SGK3: variants seen among roughly 807,000 people sequenced by gnomAD.
SGK3 encodes the protein serine/threonine-protein kinase Sgk3.
Under a neutral mutation model 68.5 loss-of-function variants are expected in SGK3, and 47 were observed. The observed-to-expected ratio is 0.69, with a 90% CI of 0.54 to 0.87. The LOEUF is 0.87. SGK3 is among the 40% of genes least tolerant of loss of function. The probability of loss-of-function intolerance (pLI) is 0.00; values close to 1 mark genes in which losing one functional copy is unlikely to be tolerated. For synonymous variants in SGK3, 181 were observed against 189.1 expected (o/e 0.96, Z 0.35); for missense variants, 479 against 575.5 (o/e 0.83, Z 1.72).
chr8:66,743,662 C>T (rs1805545255), intron 1 of SGK3, among the ~76,000 whole-genome samples: 1 of 152,268 alleles, frequency 6.6e-6, no homozygotes, highest in Non-Finnish European at 1.5e-5. Flanking sequence ...GCTGGGATTA[C>T]AGGCAAGTGC....
chr8:66,779,124 T>A (rs183585447), intron 1 of SGK3, among the ~76,000 whole-genome samples: 2 of 152,302 alleles, frequency 1.3e-5, no homozygotes, highest in East Asian at 3.9e-4. Context: ...GAGAAAGGTA[T>A]ATATGCCAGA....
chr8:66,799,226 C>G (rs1381765932), intron 3 of SGK3, among the ~76,000 whole-genome samples: 1 of 152,188 alleles, frequency 6.6e-6, no homozygotes, highest in Non-Finnish European at 1.5e-5. Flanking sequence ...ACAGTACATA[C>G]TTGCTAAAGT....
At chr8:66,726,819 AAAAAG>A (rs1804998960) in intron 1 of SGK3, among the ~76,000 whole-genome samples, 1 of 151,212 alleles carries the variant, frequency 6.6e-6, no homozygotes, top group African/African-American at 2.4e-5. Context: ...AAAAAAAAAA[AAAAAG>A]ATTTAAAAGC....
At chr8:66,777,808 G>C (rs1806772028) in intron 1 of SGK3, 1 of 152,234 alleles carries the variant, frequency 6.6e-6, no homozygotes, top group South Asian at 2.1e-4. Flanking sequence ...TAGATGAAGA[G>C]ATGAGTTCCA....
At chr8:66,765,542 T>C (rs1452711188) in intron 1 of SGK3, among the ~76,000 whole-genome samples, 1 of 152,100 alleles carries the variant, frequency 6.6e-6, no homozygotes, top group Non-Finnish European at 1.5e-5. Context: ...AGTTGAAAGT[T>C]GAGGTCATTG....
intron 10 of SGK3, among the ~76,000 whole-genome samples, chr8:66,838,723 A>G (rs533557216): frequency 6.6e-6 from 1 of 152,304 alleles, no homozygotes; most frequent in African/African-American, 2.4e-5. Context: ...ATAGAATGCC[A>G]GGGTGGGTGG....
chr8:66,815,737 CCTAACA>C (rs1482279564), intron 5 of SGK3, among the ~76,000 whole-genome samples: 1 of 151,964 alleles, frequency 6.6e-6, no homozygotes, highest in Non-Finnish European at 1.5e-5. Context: ...ACTCAGAACC[CCTAACA>C]CTATATAATA....
intron 1 of SGK3, among the ~76,000 whole-genome samples, chr8:66,778,780 TG>T (rs1011943734): frequency 6.6e-6 from 1 of 151,390 alleles, no homozygotes; most frequent in African/African-American, 2.4e-5. Context: ...TAGAGGGGAG[TG>T]GGTGTAGGGA....
chr8:66,798,456 AT>A, intron 2 of SGK3, 85 bp from the exon 3 acceptor site: 2 of 1,289,740 alleles, frequency 1.6e-6, no homozygotes, highest in South Asian at 1.6e-5. Flanking sequence ...AAAAAAAAAA[AT>A]TAAAACAGGT....
intron 1 of SGK3, among the ~76,000 whole-genome samples, chr8:66,761,173 A>G (rs1409272444): frequency 1.3e-5 from 2 of 152,172 alleles, no homozygotes; most frequent in African/African-American, 2.4e-5. Flanking sequence ...TAGTACCATC[A>G]TAGCTCACTA....
At chr8:66,736,889 G>A (rs1416688911) in intron 1 of SGK3, among the ~76,000 whole-genome samples, 1 of 151,960 alleles carries the variant, frequency 6.6e-6, no homozygotes, top group African/African-American at 2.4e-5. Context: ...AAAGTGCTGG[G>A]ATTACAGGCA....
chr8:66,833,036 G>GT (rs1809367881), intron 8 of SGK3, among the ~76,000 whole-genome samples: 1 of 149,392 alleles, frequency 6.7e-6, no homozygotes, highest in South Asian at 2.1e-4. Context: ...GCCTCACTCT[G>GT]TTCCCAGCCT....
intron 8 of SGK3, 24 bp from the exon 9 acceptor site, chr8:66,835,739 T>A: frequency 6.2e-7 from 1 of 1,600,318 alleles, no homozygotes; most frequent in Non-Finnish European, 8.5e-7. Flanking sequence ...TCTAATAGTA[T>A]ACACTAATGT....
At chr8:66,788,052 T>C (rs1807281934) in intron 1 of SGK3, among the ~76,000 whole-genome samples, 1 of 152,208 alleles carries the variant, frequency 6.6e-6, no homozygotes, top group Non-Finnish European at 1.5e-5. Context: ...ACACTGTGCA[T>C]GTCCATCCAT....
At chr8:66,728,827 G>T (rs1585637665) in intron 1 of SGK3, among the ~76,000 whole-genome samples, 1 of 152,100 alleles carries the variant, frequency 6.6e-6, no homozygotes, top group East Asian at 1.9e-4. Flanking sequence ...GGCTGAAGTG[G>T]GAGGATTGCT....
chr8:66,829,871 T>A (rs1809232820), intron 7 of SGK3, among the ~76,000 whole-genome samples: 1 of 151,658 alleles, frequency 6.6e-6, no homozygotes, highest in Admixed American at 6.6e-5. Flanking sequence ...AAATGGATTT[T>A]TTTTTTTTTT....
intron 1 of SGK3, among the ~76,000 whole-genome samples, chr8:66,731,555 G>T (rs761659926): frequency 4.6e-5 from 7 of 152,012 alleles, no homozygotes; most frequent in Non-Finnish European, 1.0e-4. Context: ...GTTTGTTTGA[G>T]ACGGAGTCTT....
At chr8:66,732,816 G>C (rs1805206346) in intron 1 of SGK3, among the ~76,000 whole-genome samples, 1 of 152,098 alleles carries the variant, frequency 6.6e-6, no homozygotes, top group African/African-American at 2.4e-5. Flanking sequence ...CTGCACTCCA[G>C]CGTGGGCAAC....
chr8:66,800,728 T>G (rs1433077369), intron 3 of SGK3, among the ~76,000 whole-genome samples: 1 of 152,206 alleles, frequency 6.6e-6, no homozygotes, highest in Non-Finnish European at 1.5e-5. Flanking sequence ...ACTTGCTACT[T>G]GAAATTGAAT....
Sources: gnomAD v4.1 joint callset for allele counts (sites outside exome capture counted in the v4.1 genomes callset) on GRCh38, gnomAD v4.1.1 for gene constraint, MANE v1.5 for transcripts, NCBI Gene and HGNC (gene_info 2026-07-23, HGNC 2026-07-21) for gene names.